The following ZMAT5 variants were observed in gnomAD, a reference collection of about 807,000 sequenced individuals.
ZMAT5 encodes the protein zinc finger matrin-type protein 5.
A neutral mutation model predicts 28.0 loss-of-function variants in ZMAT5; 23 were observed. That is an observed-to-expected ratio of 0.82 (90% CI 0.59 to 1.16). ZMAT5 has a LOEUF of 1.16. ZMAT5 is among the 50% of genes most tolerant of loss of function. The pLI, the probability that ZMAT5 is intolerant of heterozygous loss-of-function variation, is 0.00. For missense variants in ZMAT5, 173 were observed against 212.7 expected (o/e 0.81, Z 1.16); for synonymous variants, 76 against 84.1 (o/e 0.90, Z 0.52).
intron 1 of ZMAT5, among the ~76,000 whole-genome samples, chr22:29,756,865 C>T (rs1213524490): frequency 1.3e-5 from 2 of 151,794 alleles, no homozygotes; most frequent in Admixed American, 6.6e-5. Context: ...ATGGTGAAAC[C>T]CCATCTCTAC....
chr22:29,748,085 G>T, intron 2 of ZMAT5: 1 of 370,758 alleles, frequency 2.7e-6, no homozygotes, highest in South Asian at 2.2e-5. Flanking sequence ...CTCCTGCTCC[G>T]AGAGCCCTGG....
chr22:29,731,910 G>A (rs1057393891), intron 5 of ZMAT5: 12 of 152,022 alleles, frequency 7.9e-5, no homozygotes, highest in African/African-American at 2.9e-4. Flanking sequence ...AAAGTTTTAC[G>A]AGCACACAAG....
intron 4 of ZMAT5, 123 bp downstream of exon 4, chr22:29,740,527 C>T: frequency 2.0e-6 from 2 of 1,017,858 alleles, no homozygotes; most frequent in Non-Finnish European, 1.5e-6. Context: ...TCCGCATCAC[C>T]CTGGGTGGCC....
chr22:29,758,015 CA>C (rs547802111), intron 1 of ZMAT5, among the ~76,000 whole-genome samples: 300 of 139,460 alleles, frequency 2.2e-3, no homozygotes, highest in Non-Finnish European at 1.9e-3. Flanking sequence ...ACTCCATCTC[CA>C]AAAAAAAAAA....
At chr22:29,752,342 G>A (rs993764489) in intron 1 of ZMAT5, among the ~76,000 whole-genome samples, 10 of 152,192 alleles carry the variant, frequency 6.6e-5, no homozygotes, top group African/African-American at 2.2e-4. Context: ...GTGTGTATAT[G>A]TGTGGGTGTT....
At chr22:29,756,058 A>T (rs759405544) in intron 1 of ZMAT5, among the ~76,000 whole-genome samples, 1 of 152,270 alleles carries the variant, frequency 6.6e-6, no homozygotes, top group Non-Finnish European at 1.5e-5. Flanking sequence ...GCACAAGGCA[A>T]AAATAAGCCA....
chr22:29,760,138 T>C (rs1483517474), intron 1 of ZMAT5, among the ~76,000 whole-genome samples: 1 of 151,256 alleles, frequency 6.6e-6, no homozygotes, highest in Non-Finnish European at 1.5e-5. Context: ...GAGGCGGAGG[T>C]TGCAGCGAGC....
chr22:29,758,853 G>T (rs984232972), intron 1 of ZMAT5: 1 of 152,404 alleles, frequency 6.6e-6, no homozygotes, highest in Non-Finnish European at 1.5e-5. Context: ...CGCTTGACTA[G>T]CCTCTAAAAA....
chr22:29,757,702 C>A (rs1353172671), intron 1 of ZMAT5, among the ~76,000 whole-genome samples: 1 of 152,116 alleles, frequency 6.6e-6, no homozygotes, highest in Non-Finnish European at 1.5e-5. Context: ...TGAGGGTATG[C>A]CATTTCCAAG....
chr22:29,752,283 C>G (rs2068061637), intron 1 of ZMAT5, among the ~76,000 whole-genome samples: 1 of 152,128 alleles, frequency 6.6e-6, no homozygotes, highest in Admixed American at 6.5e-5. Context: ...GCCTGCCTCC[C>G]CAGCCACACT....
At chr22:29,738,025 C>T (rs190861654) in intron 5 of ZMAT5, among the ~76,000 whole-genome samples, 1 of 152,190 alleles carries the variant, frequency 6.6e-6, no homozygotes, top group East Asian at 2.0e-4. Context: ...TGACCACAGC[C>T]CAGGCCCCTC....
At chr22:29,747,941 C>G (rs188842548) in intron 2 of ZMAT5, 2 of 246,958 alleles carry the variant, frequency 8.1e-6, no homozygotes, top group Non-Finnish European at 8.1e-6. Context: ...TGCTCTCTGC[C>G]CTTGGAACAG....
chr22:29,748,282 G>T, intron 2 of ZMAT5, 136 bp downstream of exon 2: 1 of 1,313,246 alleles, frequency 7.6e-7, no homozygotes, highest in Non-Finnish European at 1.1e-6. Flanking sequence ...TGAGGGCCCA[G>T]TGGCTCAGGC....
chr22:29,756,332 G>A (rs540346316), intron 1 of ZMAT5, among the ~76,000 whole-genome samples: 9 of 152,340 alleles, frequency 5.9e-5, no homozygotes, highest in African/African-American at 2.2e-4. Context: ...GACTGCTGGT[G>A]CAGGACCCTG....
chr22:29,739,210 G>C (rs1262359568), intron 4 of ZMAT5, among the ~76,000 whole-genome samples: 1 of 151,482 alleles, frequency 6.6e-6, no homozygotes, highest in Admixed American at 6.6e-5. Context: ...GTTGCTCAAC[G>C]AATTAAAACC....
chr22:29,749,277 G>A (rs1007796420), intron 1 of ZMAT5, among the ~76,000 whole-genome samples: 12 of 151,886 alleles, frequency 7.9e-5, no homozygotes, highest in East Asian at 1.9e-4. Context: ...ATGGGGTCTC[G>A]CTATGTTGCA....
At chr22:29,762,143 T>C (rs950533465) in intron 1 of ZMAT5, among the ~76,000 whole-genome samples, 1 of 152,228 alleles carries the variant, frequency 6.6e-6, no homozygotes, top group East Asian at 1.9e-4. Context: ...ATCAAATATA[T>C]TAAATTTACA....
intron 1 of ZMAT5, among the ~76,000 whole-genome samples, chr22:29,759,537 G>A (rs1194352684): frequency 6.6e-6 from 1 of 152,176 alleles, no homozygotes; most frequent in Non-Finnish European, 1.5e-5. Flanking sequence ...GGCAGGCCAA[G>A]GCAGATCAGT....
At chr22:29,750,400 G>A (rs1027703018) in intron 1 of ZMAT5, among the ~76,000 whole-genome samples, 5 of 152,170 alleles carry the variant, frequency 3.3e-5, no homozygotes, top group East Asian at 1.9e-4. Flanking sequence ...TGGCAGGTCC[G>A]AATCCAGTCA....
Sources: gnomAD v4.1 joint callset for allele counts (sites outside exome capture counted in the v4.1 genomes callset) on GRCh38, gnomAD v4.1.1 for gene constraint, MANE v1.5 for transcripts, NCBI Gene and HGNC (gene_info 2026-07-23, HGNC 2026-07-21) for gene names.